Variants in RBFOX1 observed in about 807,000 individuals in gnomAD.
RBFOX1 encodes the protein RNA binding fox-1 homolog 1, also known as RNA binding protein fox-1 homolog 1.
A neutral mutation model predicts 57.7 loss-of-function variants in RBFOX1; 8 were observed. That is an observed-to-expected ratio of 0.14 (90% CI 0.08 to 0.25). RBFOX1 has a LOEUF of 0.25. Among genes scored for constraint, RBFOX1 ranks in the 10% least tolerant of loss-of-function variants. The pLI is 1.00. For missense variants in RBFOX1, 611 were observed against 548.5 expected (o/e 1.11, Z -1.14); for synonymous variants, 326 against 222.4 (o/e 1.47, Z -4.15).
intron 3 of RBFOX1, among the ~76,000 whole-genome samples, chr16:6,901,342 G>A (rs1251855098): frequency 2.0e-5 from 3 of 152,166 alleles, no homozygotes; most frequent in Admixed American, 1.3e-4. Flanking sequence ...GTTTCAACCT[G>A]GAAATGTCCC....
intron 3 of RBFOX1, among the ~76,000 whole-genome samples, chr16:5,826,659 G>T (rs1471825050): frequency 2.0e-5 from 3 of 152,214 alleles, no homozygotes; most frequent in Admixed American, 6.5e-5. Context: ...CATCTCTGTT[G>T]TGAAGTTACT....
chr16:5,366,084 G>A, intron 1 of RBFOX1: 1 of 469,732 alleles, frequency 2.1e-6, no homozygotes, highest in Non-Finnish European at 4.2e-6. Flanking sequence ...CATACCACCA[G>A]TGCTCTTACG....
intron 4 of RBFOX1, among the ~76,000 whole-genome samples, chr16:5,956,310 C>T (rs2059638140): frequency 6.6e-6 from 1 of 151,916 alleles, no homozygotes; most frequent in South Asian, 2.1e-4. Context: ...ATGTATTAAG[C>T]CCAGTAAAAT....
chr16:5,997,317 G>A (rs1440225047), intron 4 of RBFOX1, among the ~76,000 whole-genome samples: 1 of 152,180 alleles, frequency 6.6e-6, no homozygotes. Context: ...GTGGCTGCAT[G>A]GATTATTTAA....
At chr16:5,885,014 T>A (rs926260332) in intron 4 of RBFOX1, among the ~76,000 whole-genome samples, 2 of 152,212 alleles carry the variant, frequency 1.3e-5, no homozygotes, top group African/African-American at 2.4e-5. Flanking sequence ...GGAGCCTGCA[T>A]GTAAAATGAC....
intron 2 of RBFOX1, among the ~76,000 whole-genome samples, chr16:6,548,846 T>C (rs1247546499): frequency 6.6e-6 from 1 of 151,736 alleles, no homozygotes. Context: ...GAGGCCAAGG[T>C]GTGTGGATCA....
At chr16:6,063,324 A>G (rs2095712632) in intron 1 of RBFOX1, among the ~76,000 whole-genome samples, 1 of 152,198 alleles carries the variant, frequency 6.6e-6, no homozygotes, top group African/African-American at 2.4e-5. Flanking sequence ...CTTCCTCATG[A>G]TGAGGGGAAC....
At chr16:7,504,848 G>C (rs551178135) in intron 4 of RBFOX1, among the ~76,000 whole-genome samples, 19 of 135,370 alleles carry the variant, frequency 1.4e-4, no homozygotes, top group African/African-American at 5.7e-4. Flanking sequence ...TACTTAGAAG[G>C]TGCTGGAAGA....
At chr16:7,307,720 A>G (rs1302030005) in intron 4 of RBFOX1, among the ~76,000 whole-genome samples, 1 of 152,226 alleles carries the variant, frequency 6.6e-6, no homozygotes, top group Non-Finnish European at 1.5e-5. Context: ...ACATAGGAAC[A>G]CACAAATTTG....
chr16:6,294,171 G>C (rs1397863226), intron 1 of RBFOX1, among the ~76,000 whole-genome samples: 1 of 152,096 alleles, frequency 6.6e-6, no homozygotes, highest in Non-Finnish European at 1.5e-5. Flanking sequence ...GACAGAGTGA[G>C]ACCCTGTCTC....
chr16:7,174,774 A>G (rs557317943), intron 4 of RBFOX1, among the ~76,000 whole-genome samples: 2 of 152,212 alleles, frequency 1.3e-5, no homozygotes, highest in Non-Finnish European at 2.9e-5. Context: ...AGCGAGACTC[A>G]GTCTCAAAAC....
intron 1 of RBFOX1, among the ~76,000 whole-genome samples, chr16:6,160,954 G>T (rs2096873933): frequency 6.6e-6 from 1 of 152,278 alleles, no homozygotes; most frequent in South Asian, 2.1e-4. Context: ...TTCGCCCCTT[G>T]TTCATTTGTG....
intron 4 of RBFOX1, among the ~76,000 whole-genome samples, chr16:5,959,642 G>C (rs549288701): frequency 6.6e-6 from 1 of 152,156 alleles, no homozygotes; most frequent in East Asian, 1.9e-4. Context: ...GAATTTTAAG[G>C]ATGTGTAAGG....
chr16:5,330,437 C>G (rs377635659), intron 1 of RBFOX1, among the ~76,000 whole-genome samples: 3 of 152,106 alleles, frequency 2.0e-5, no homozygotes, highest in African/African-American at 7.2e-5. Flanking sequence ...GAGTCTCAGT[C>G]TGTCACCCAG....
intron 3 of RBFOX1, among the ~76,000 whole-genome samples, chr16:6,904,391 A>G (rs1021235061): frequency 6.6e-6 from 1 of 151,932 alleles, no homozygotes; most frequent in African/African-American, 2.4e-5. Flanking sequence ...AGTTGAGGTC[A>G]GGAGTTTGAG....
At chr16:5,789,125 G>A (rs1398381125) in intron 3 of RBFOX1, among the ~76,000 whole-genome samples, 1 of 152,128 alleles carries the variant, frequency 6.6e-6, no homozygotes, top group Non-Finnish European at 1.5e-5. Context: ...CAAGTAAGAA[G>A]GCCTGTCTGT....
At chr16:7,653,353 T>G (rs2065506631) in intron 11 of RBFOX1, among the ~76,000 whole-genome samples, 1 of 151,918 alleles carries the variant, frequency 6.6e-6, no homozygotes, top group African/African-American at 2.4e-5. Flanking sequence ...CATGAAAAAA[T>G]TAGCCAGGTG....
chr16:7,192,164 C>T (rs564466324), intron 4 of RBFOX1, among the ~76,000 whole-genome samples: 117 of 152,320 alleles, frequency 7.7e-4, no homozygotes, highest in Admixed American at 1.6e-3. Context: ...AAGGAATTCG[C>T]AATAGCGGTT....
At chr16:6,517,987 C>A (rs2096414103) in intron 2 of RBFOX1, among the ~76,000 whole-genome samples, 1 of 152,100 alleles carries the variant, frequency 6.6e-6, no homozygotes, top group Non-Finnish European at 1.5e-5. Context: ...ACATGAGACC[C>A]ACTGAGTTAA....
Sources: gnomAD v4.1 joint callset for allele counts (sites outside exome capture counted in the v4.1 genomes callset) on GRCh38, gnomAD v4.1.1 for gene constraint, MANE v1.5 for transcripts, NCBI Gene and HGNC (gene_info 2026-07-23, HGNC 2026-07-21) for gene names.